The following MAD1L1 variants were observed in gnomAD, a reference collection of about 807,000 sequenced individuals.
MAD1L1 encodes mitotic spindle assembly checkpoint protein MAD1.
In MAD1L1, 95 loss-of-function variants were observed where a neutral mutation model predicts 96.9. The observed-to-expected ratio is 0.98, with a 90% confidence interval of 0.83 to 1.16. The LOEUF is 1.16. Among genes scored for constraint, MAD1L1 ranks in the 50% most tolerant of loss-of-function variants. The pLI is 0.00. For missense variants in MAD1L1, 1,007 were observed against 954.4 expected, an observed-to-expected ratio of 1.06 and a Z score of -0.73; for synonymous variants, 473 against 396.6, an observed-to-expected ratio of 1.19 and a Z score of -2.29.
chr7:2,231,900 C>A (rs899374442), intron 1 of MAD1L1, among the ~76,000 whole-genome samples: 5 of 152,050 alleles, frequency 3.3e-5, no homozygotes, highest in Non-Finnish European at 5.9e-5. Context: ...CTCAAGTCTT[C>A]CACCGCTAGA....
chr7:2,066,628 G>A (rs1784886270), intron 12 of MAD1L1, among the ~76,000 whole-genome samples: 1 of 152,214 alleles, frequency 6.6e-6, no homozygotes, highest in African/African-American at 2.4e-5. Flanking sequence ...GCGGGCCGGG[G>A]TGGCCATCAA....
chr7:2,024,489 T>G (rs115759580), intron 12 of MAD1L1, among the ~76,000 whole-genome samples: 5 of 152,170 alleles, frequency 3.3e-5, no homozygotes, highest in African/African-American at 1.2e-4. Context: ...TGCTGTCACA[T>G]AGAAATTGGC....
At chr7:2,012,816 C>T (rs1753347239) in intron 13 of MAD1L1, among the ~76,000 whole-genome samples, 1 of 152,172 alleles carries the variant, frequency 6.6e-6, no homozygotes. Context: ...CCTGGGGCCT[C>T]CTGGGCTGGG....
At chr7:2,228,154 C>T (rs949831099) in intron 3 of MAD1L1, among the ~76,000 whole-genome samples, 2 of 152,194 alleles carry the variant, frequency 1.3e-5, no homozygotes, top group African/African-American at 2.4e-5. Flanking sequence ...ATCCCCTCAC[C>T]GAGAGGCCTT....
At chr7:2,199,867 C>G (rs978640795) in intron 10 of MAD1L1, among the ~76,000 whole-genome samples, 1 of 152,254 alleles carries the variant, frequency 6.6e-6, no homozygotes, top group Non-Finnish European at 1.5e-5. Flanking sequence ...GCCCACACTC[C>G]GCACCATCCA....
intron 18 of MAD1L1, among the ~76,000 whole-genome samples, chr7:1,836,550 T>C (rs937831457): frequency 6.6e-6 from 1 of 152,202 alleles, no homozygotes; most frequent in African/African-American, 2.4e-5. Flanking sequence ...CAAATGCCTC[T>C]GATACCCGCA....
rs373578485 is a variant in MAD1L1 at position 1,870,968 on chromosome 7, G to A, written c.1998+27232C>T. Among the ~76,000 whole-genome samples the A allele has an allele frequency of 2.2e-3, 276 of 122,690 alleles. 3 individuals are homozygous for A. The highest frequency in any genetic ancestry group is 7.9e-3 in the African/African-American group (247 of 31,238). 80.5% of individuals were successfully genotyped at this position (122,690 alleles called of 152,430 possible). A position where few individuals can be genotyped will look rare whatever the true frequency, so the allele number is the denominator to read the frequency against. On this transcript the variant is annotated intron_variant, in intron 18 of 18. Transcript: ENST00000265854. ...CTGAACCCACCGTAACACCTGCCAC[G>A]CTGAACCCAACATACGCCTGCCATG...
chr7:2,180,149 A>G (rs973107216), intron 10 of MAD1L1, among the ~76,000 whole-genome samples: 2 of 152,210 alleles, frequency 1.3e-5, no homozygotes, highest in Non-Finnish European at 2.9e-5. Flanking sequence ...AGAAAAGCTA[A>G]GAAATGAGCT....
chr7:2,127,936 G>T (rs988660431), intron 11 of MAD1L1, among the ~76,000 whole-genome samples: 4 of 152,194 alleles, frequency 2.6e-5, no homozygotes, highest in Admixed American at 1.3e-4. Context: ...TCAAGCAAGA[G>T]ACTTCTGCTC....
chr7:1,874,429 G>A (rs1480248846), intron 18 of MAD1L1: 4 of 434,358 alleles, frequency 9.2e-6, no homozygotes, highest in African/African-American at 4.1e-5. Flanking sequence ...GACATCGAGG[G>A]TAGCACCCGC....
At chr7:2,171,683 G>T (rs556598428) in intron 10 of MAD1L1, among the ~76,000 whole-genome samples, 1 of 150,394 alleles carries the variant, frequency 6.6e-6, no homozygotes, top group African/African-American at 2.5e-5. Flanking sequence ...AGTCACCTCC[G>T]CCATGCAAAG....
At chr7:2,216,983 G>A (rs894977886) in intron 7 of MAD1L1, among the ~76,000 whole-genome samples, 1 of 152,128 alleles carries the variant, frequency 6.6e-6, no homozygotes, top group Admixed American at 6.5e-5. Flanking sequence ...ACTGGGAGCT[G>A]GCATTCACAC....
chr7:1,965,910 C>T lies in MAD1L1; in HGVS notation c.1506-8191G>A, dbSNP rs116122455. Reference sequence around the variant, plus strand: ...GGAGACCCAGAAACGTGAAAGGACCCGAAGATCACAGAATGGAAGGACTGA... The same window carrying T: ...GGAGACCCAGAAACGTGAAAGGACCTGAAGATCACAGAATGGAAGGACTGA... On this transcript the variant is annotated intron_variant, in intron 15 of 18. Transcript: ENST00000265854. Among the ~76,000 whole-genome samples, 835 of 152,378 alleles carry T rather than the reference C, an allele frequency of 5.5e-3. 13 individuals are homozygous for T. The highest frequency in any genetic ancestry group is 0.019 in the African/African-American group (799 of 41,598).
At chr7:1,978,327 G>T (rs1192240446) in intron 15 of MAD1L1, among the ~76,000 whole-genome samples, 2 of 152,222 alleles carry the variant, frequency 1.3e-5, no homozygotes. Context: ...TTCTCCCCAG[G>T]TGGGGCTGCT....
At chr7:1,882,964 TCC>T (rs1204683337) in intron 18 of MAD1L1, among the ~76,000 whole-genome samples, 3 of 124,316 alleles carry the variant, frequency 2.4e-5, no homozygotes, top group Non-Finnish European at 4.9e-5. Context: ...CACAAACGAC[TCC>T]AGGAACCAGC....
rs943736678 is a variant in MAD1L1, at chr7:2,046,863, C to T, written c.1218+22331G>A. ...GTCTAAGGAGGAGGAGCAGCGCTCC[C>T]TGTGCCCACACGCACAGTGCCCGGC... On this transcript the variant is annotated intron_variant, in intron 12 of 18. Transcript: ENST00000265854. Among the ~76,000 whole-genome samples the T allele has an allele frequency of 3.3e-5, 5 of 152,312 alleles. No individual in the cohort carries two copies. In the South Asian group the frequency reaches 1.0e-3, roughly 32 times the overall value.
Position 2,103,525 on chromosome 7 carries a change from C to A in MAD1L1, c.1074-34187G>T, listed in dbSNP as rs1786926656. The stretch of plus-strand genomic sequence containing the variant: ...AGCGGCGGGGCTCTCGACCACCGTG[C>A]TCTTTGTTGGGCGGGGCAACCGCAG... On this transcript the variant is annotated intron_variant, in intron 11 of 18. Transcript: ENST00000265854. This position sits in a 1 kb window ranked among gnomAD's most constrained non-coding sequence, Gnocchi z 4.3. Among the ~76,000 whole-genome samples the A allele has an allele frequency of 6.6e-6, 1 of 152,172 alleles. No homozygotes were observed.
intron 18 of MAD1L1, among the ~76,000 whole-genome samples, chr7:1,822,468 G>A (rs1486338358): frequency 3.4e-5 from 5 of 146,296 alleles, no homozygotes; most frequent in African/African-American, 5.1e-5. Flanking sequence ...TGGAAAGAGG[G>A]TCTTATTCTG....
At chr7:1,966,569 AAAAAAAAC>A (rs796665261) in intron 15 of MAD1L1, among the ~76,000 whole-genome samples, 108 of 142,980 alleles carry the variant, frequency 7.6e-4, no homozygotes, top group South Asian at 3.3e-3. Context: ...GCAAAAAAAA[AAAAAAAAC>A]AAAAAAAATC....
Sources: gnomAD v4.1 joint callset for allele counts (sites outside exome capture counted in the v4.1 genomes callset) on GRCh38, gnomAD v4.1.1 for gene constraint, Gnocchi (gnomAD v3.1) non-coding constraint, MANE v1.5 for transcripts, NCBI Gene and HGNC (gene_info 2026-07-23, HGNC 2026-07-21) for gene names.